Variants in SLC49A3 observed in about 807,000 individuals in gnomAD.
SLC49A3 encodes the protein solute carrier family 49 member 3, also known as solute carrier family 49 member A3.
In SLC49A3, 50 loss-of-function variants were observed where a neutral mutation model predicts 43.8. That is an observed-to-expected ratio of 1.14 (90% CI 0.91 to 1.45). The LOEUF (loss-of-function observed/expected upper bound fraction) is 1.45. Ranked by LOEUF, SLC49A3 falls within the 40% of genes most tolerant of loss-of-function variation. The pLI is 0.00. For synonymous variants in SLC49A3, 413 were observed against 352.0 expected (o/e 1.17, Z -1.94); for missense variants, 906 against 774.1 (o/e 1.17, Z -2.02).
downstream of SLC49A3, chr4:680,838 T>G (rs1367766944): frequency 3.2e-6 from 2 of 632,932 alleles, no homozygotes; most frequent in African/African-American, 3.7e-5. Context: ...CTTCAGCTCC[T>G]GCTAGGCGCC....
At chr4:681,819 C>G, downstream of SLC49A3, 1 of 1,263,762 alleles carries the variant, frequency 7.9e-7, no homozygotes, top group Non-Finnish European at 1.0e-6. Context: ...GAAACCACAC[C>G]CGGGGCCGCT....
At chr4:683,553 G>A (rs933001876) in intron 7 of SLC49A3, 56 bp downstream of exon 7, 30 of 1,565,054 alleles carry the variant, frequency 1.9e-5, no homozygotes, top group Middle Eastern at 1.8e-4. Flanking sequence ...CGCCCTCTCC[G>A]GGCCTCACCA....
rs1217903517 is a variant in SLC49A3, at chr4:686,157, G to T, written c.440C>A (p.Pro147Gln). The change falls in exon 3 of 10, where the codon CCA (proline) becomes CAA (glutamine). Residue 147 changes from proline to glutamine, a missense_variant. Pro to Gln is a moderately conservative substitution (Grantham distance 76, BLOSUM62 -1). Coordinates refer to ENST00000322224, the MANE Select transcript of SLC49A3 (RefSeq NM_032219.4). ...GAACCACAAGGCAGCCAGCTTGGCT[G>T]GAGAGAAGATGACCAGGCTCTGGGC... ...ALAQSLVIFS[P>Q]AKLAALWFPE... 1.9e-6 allele frequency: 3 copies of T among 1,613,242 alleles called. No homozygotes were observed. Among genetic ancestry groups the T allele is most frequent in the Non-Finnish European group, 2.5e-6 (3 of 1,180,014 alleles).
rs1382231282 is a variant in SLC49A3 at position 683,655 on chromosome 4, TTGG to T, written c.944_946del (p.Thr315del). On this transcript the variant is annotated inframe_deletion, in exon 7 of 10. Coordinates refer to ENST00000322224, the MANE Select transcript of SLC49A3 (RefSeq NM_032219.4). ...CAGAGAGAACAGGCACAGGCCAATCTTGGTGGCCTCAGTGAAGTGCTTGGTCCG... is the reference window on the plus strand; with the variant it reads ...CAGAGAGAACAGGCACAGGCCAATCTTGGCCTCAGTGAAGTGCTTGGTCCG... 1.2e-6 allele frequency: 2 copies of T among 1,611,638 alleles called. No homozygotes were observed. The highest frequency in any genetic ancestry group is 1.7e-6 in the Non-Finnish European group (2 of 1,179,370).
rs1000993214 is a variant in SLC49A3 at position 683,677 on chromosome 4, T to G, written c.925A>C (p.Lys309Gln). Residue 309 changes from lysine to glutamine, a missense_variant, in exon 7 of 10, where the codon AAG (lysine) becomes CAG (glutamine). Transcript: ENST00000322224. The stretch of plus-strand genomic sequence containing the variant: ...ATCTTGGTGGCCTCAGTGAAGTGCT[T>G]GGTCCGGTCCACATAGGGGCCGAGA... The part of the protein sequence containing the change: ...LALGPYVDRT[K>Q]HFTEATKIGL... The G allele has an allele frequency of 1.2e-6, 2 of 1,610,112 alleles. No individual in the cohort carries two copies. Among genetic ancestry groups the G allele is most frequent in the Admixed American group, 3.4e-5 (2 of 59,598 alleles).
In SLC49A3 at chr4:685,818, G is replaced by A. The variant is rs375194307; in HGVS notation, c.585+17C>T. 70 of 1,613,450 alleles carry A rather than the reference G, an allele frequency of 4.3e-5. No homozygotes were observed. The highest frequency in any genetic ancestry group is 4.8e-5 in the Non-Finnish European group (57 of 1,179,648). On this transcript the variant is annotated intron_variant, in intron 4 of 9. Coordinates refer to ENST00000322224, the MANE Select transcript of SLC49A3 (RefSeq NM_032219.4). The surrounding 1 kb of genome is among the most constrained non-coding windows in gnomAD (Gnocchi z 4.3). ...CACACCACACAGACCAGGCACGGGC[G>A]TCTCATGACCCCTCACCATTAACGG...
In SLC49A3 at chr4:684,611, G is replaced by A; in HGVS notation, c.724-12C>T. The A allele has an allele frequency of 6.2e-7, 1 of 1,612,676 alleles. No homozygotes were observed. Among genetic ancestry groups the A allele is most frequent in the African/African-American group, 1.3e-5 (1 of 75,024 alleles). On this transcript the variant is annotated splice_polypyrimidine_tract_variant and intron_variant, in intron 5 of 9. Coordinates refer to ENST00000322224, the MANE Select transcript of SLC49A3 (RefSeq NM_032219.4). ...TTGTTCCACATGAGCTGCTGGGAAA[G>A]AGCGTCTCAGCCCCGGAGCCCGGGG...
Position 689,088 on chromosome 4 carries a change from G to GCTCGGCCAACCCCGT in SLC49A3, c.25_39dup (p.Thr9_Glu13dup), listed in dbSNP as rs1178677707. The GCTCGGCCAACCCCGT allele has an allele frequency of 3.3e-6, 5 of 1,532,670 alleles. No individual in the cohort carries two copies. Among genetic ancestry groups the GCTCGGCCAACCCCGT allele is most frequent in the African/African-American group, 2.9e-5 (2 of 69,976 alleles). 94.9% of individuals were successfully genotyped at this position (1,532,670 alleles called of 1,614,324 possible). On this transcript the variant is annotated inframe_insertion, in exon 1 of 10. Transcript: ENST00000322224. ...CCCCGCTGCGCGCACAGGGCCCGGG[G>GCTCGGCCAACCCCGT]CTCGGCCAACCCCGTCTCGGCCTCC...
downstream of SLC49A3, chr4:680,460 A>C (rs1739346505): frequency 1.3e-6 from 2 of 1,581,532 alleles, no homozygotes; most frequent in Admixed American, 1.7e-5. Context: ...CTTGGCAGCC[A>C]CGGGACTGCC....
chr4:685,985 C>T lies in SLC49A3; in HGVS notation c.509-74G>A. 6.2e-7 allele frequency: 1 copy of T among 1,609,132 alleles called. No homozygotes were observed. Among genetic ancestry groups the T allele is most frequent in the Non-Finnish European group, 8.5e-7 (1 of 1,177,604 alleles). On this transcript the variant is annotated intron_variant, in intron 3 of 9. Coordinates refer to ENST00000322224, the MANE Select transcript of SLC49A3 (RefSeq NM_032219.4). The surrounding 1 kb of genome is among the most constrained non-coding windows in gnomAD (Gnocchi z 4.3). ...ATCGCCAGCCCACAGGCAGAACCTT[C>T]CGGGCCCCAGCTCCTCCACCCTGGC...
intron 7 of SLC49A3, 68 bp from the exon 8 acceptor site, chr4:683,435 G>A (rs1018843052): frequency 7.5e-5 from 117 of 1,550,036 alleles, no homozygotes; most frequent in South Asian, 1.3e-4. Flanking sequence ...CTGGCTTCAC[G>A]GGACATGGGA....
downstream of SLC49A3, chr4:677,003 G>C (rs1421510341): frequency 2.3e-6 from 2 of 876,090 alleles, no homozygotes; most frequent in African/African-American, 1.8e-5. Context: ...AGACATGCAA[G>C]TGGCACCTGT....
In SLC49A3 at chr4:689,075, C is replaced by T. The variant is rs771807246; in HGVS notation, c.53G>A (p.Cys18Tyr). The change falls in exon 1 of 10, where the codon TGC (cysteine) becomes TAC (tyrosine). Residue 18 changes from cysteine to tyrosine, a missense_variant. Physicochemically the swap from Cys to Tyr is radical, Grantham distance 194 (BLOSUM62 -2). Transcript: ENST00000322224. The stretch of plus-strand genomic sequence containing the variant: ...GTAGGTGCGGTGGCCCCGCTGCGCG[C>T]ACAGGGCCCGGGGCTCGGCCAACCC... ...ETGLAEPRAL[C>Y]AQRGHRTYAR... The T allele has an allele frequency of 2.6e-6, 4 of 1,565,774 alleles. No homozygotes were observed. In the Admixed American group the frequency reaches 7.2e-5, roughly 28 times the overall value.
In SLC49A3 at chr4:685,880, C is replaced by G; in HGVS notation, c.540G>C (p.Val180=). 1 of 1,613,960 alleles carries G rather than the reference C, an allele frequency of 6.2e-7. No homozygotes were observed. Among genetic ancestry groups the G allele is most frequent in the Non-Finnish European group, 8.5e-7 (1 of 1,180,012 alleles). The change falls in exon 4 of 10, where the codon GTG becomes GTC. Residue 180 remains valine (V), a synonymous_variant. Transcript: ENST00000322224. The surrounding 1 kb of genome is among the most constrained non-coding windows in gnomAD (Gnocchi z 4.3). ...SNPLGVLVAN[V]LSPVLVKKGE... ...CCTTCTTGACCAGCACAGGGGACAG[C>G]ACATTGGCCACAAGGACGCCCAGAG... is the stretch of plus-strand genomic sequence containing the variant.
chr4:684,909 C>A, intron 4 of SLC49A3, 53 bp from the exon 5 acceptor site: 4 of 1,562,044 alleles, frequency 2.6e-6, no homozygotes, highest in Non-Finnish European at 3.5e-6. Context: ...CACCCACACA[C>A]GCCGCAGCCC....
intron 9 of SLC49A3, 57 bp from the exon 10 acceptor site, chr4:682,433 A>G (rs1246351960): frequency 1.4e-5 from 18 of 1,303,706 alleles, no homozygotes; most frequent in Middle Eastern, 4.2e-4. Context: ...ACAGATGGGC[A>G]GAGCCCAATG....
upstream of SLC49A3, among the ~76,000 whole-genome samples, chr4:691,383 C>T (rs147256841): frequency 8.4e-3 from 1,267 of 151,462 alleles, 23 homozygotes; most frequent in African/African-American, 0.029. Context: ...TACCTGAGGT[C>T]GGGAGTTCAA....
downstream of SLC49A3, chr4:678,759 C>T: frequency 6.2e-7 from 1 of 1,610,212 alleles, no homozygotes; most frequent in South Asian, 1.1e-5. Context: ...TCCAGGAGTT[C>T]AAGGAGGTGA....
At chr4:684,451 G>A (rs1203413202) in intron 6 of SLC49A3, 32 bp downstream of exon 6, 1 of 1,610,406 alleles carries the variant, frequency 6.2e-7, no homozygotes, top group Admixed American at 1.7e-5. Flanking sequence ...GGATGACAGA[G>A]GCAGGGTCCC....
Sources: gnomAD v4.1 joint callset for allele counts (sites outside exome capture counted in the v4.1 genomes callset) on GRCh38, gnomAD v4.1.1 for gene constraint, Gnocchi (gnomAD v3.1) non-coding constraint, MANE v1.5 for transcripts, NCBI Gene and HGNC (gene_info 2026-07-23, HGNC 2026-07-21) for gene names.